MAP2: variants seen among roughly 807,000 people sequenced by gnomAD.
MAP2 encodes the protein microtubule-associated protein 2.
In MAP2, 14 loss-of-function variants were observed where a neutral mutation model predicts 137.6. The observed-to-expected ratio is 0.10, with a 90% confidence interval of 0.07 to 0.16. The LOEUF (loss-of-function observed/expected upper bound fraction) is 0.16, where lower values mean the gene tolerates loss of function less well. MAP2 is among the 10% of genes least tolerant of loss of function. The pLI is 1.00. For synonymous variants in MAP2, 786 were observed against 782.3 expected (o/e 1.00, Z -0.08); for missense variants, 2,088 against 2,191.5 (o/e 0.95, Z 0.94).
intron 1 of MAP2, among the ~76,000 whole-genome samples, chr2:209,433,568 A>G (rs7569410): frequency 0.032 from 4,837 of 152,134 alleles, 286 homozygotes; most frequent in African/African-American, 0.11. Context: ...TAAAAGCAGA[A>G]TTTTTTTAGA....
rs1282259605 is a variant in MAP2, at chr2:209,558,223, C to G, written c.-171-21813C>G. ...TTATTTTTTTGAGGTAGGTCTTGCT[C>G]TGTCACCCAGGCTGGAGTGCAGTGG... On this transcript the variant is annotated intron_variant, in intron 2 of 15. Coordinates refer to ENST00000682079, the MANE Select transcript of MAP2 (RefSeq NM_001375505.1). Among the ~76,000 whole-genome samples, 14 of 152,118 alleles carry G rather than the reference C, an allele frequency of 9.2e-5. 1 individual carries two copies. Among genetic ancestry groups the G allele is most frequent in the Admixed American group, 9.2e-4 (14 of 15,268 alleles).
At chr2:209,547,445 A>G (rs533411637) in intron 2 of MAP2, among the ~76,000 whole-genome samples, 2 of 152,332 alleles carry the variant, frequency 1.3e-5, no homozygotes, top group East Asian at 3.9e-4. Flanking sequence ...AGGGTAAATG[A>G]GTGCCAAATA....
At chr2:209,445,394 A>G (rs985766611) in intron 1 of MAP2, among the ~76,000 whole-genome samples, 10 of 151,748 alleles carry the variant, frequency 6.6e-5, no homozygotes, top group African/African-American at 2.2e-4. Flanking sequence ...ATTATGCAGA[A>G]TAGATTGACA....
chr2:209,510,030 C>CA (rs11297017), intron 2 of MAP2, among the ~76,000 whole-genome samples: 532 of 143,416 alleles, frequency 3.7e-3, no homozygotes, highest in South Asian at 0.011. Flanking sequence ...AAAGTTATTA[C>CA]AAAAAAAAAA....
At chr2:209,578,402 G>T (rs1350818533) in intron 2 of MAP2, among the ~76,000 whole-genome samples, 7 of 148,880 alleles carry the variant, frequency 4.7e-5, no homozygotes, top group Admixed American at 1.3e-4. Context: ...ACTGATGGAG[G>T]CGATTCTTTC....
chr2:209,446,015 G>C (rs535641622), intron 1 of MAP2, among the ~76,000 whole-genome samples: 1 of 151,464 alleles, frequency 6.6e-6, no homozygotes, highest in African/African-American at 2.4e-5. Flanking sequence ...CCAAACAATA[G>C]ATATTAAAAA....
At chr2:209,649,300 A>G (rs1050243134) in intron 4 of MAP2, among the ~76,000 whole-genome samples, 4 of 152,136 alleles carry the variant, frequency 2.6e-5, no homozygotes, top group African/African-American at 9.7e-5. Flanking sequence ...TACAGGCAAG[A>G]GCAACTATGC....
At chr2:209,607,235 T>C (rs909364893) in intron 3 of MAP2, among the ~76,000 whole-genome samples, 4 of 152,204 alleles carry the variant, frequency 2.6e-5, no homozygotes, top group Admixed American at 2.6e-4. Flanking sequence ...ATTTAAAGTT[T>C]CTTTATTTCA....
chr2:209,473,499 T>A (rs1351923852), intron 1 of MAP2, among the ~76,000 whole-genome samples: 1 of 152,118 alleles, frequency 6.6e-6, no homozygotes, highest in Non-Finnish European at 1.5e-5. Flanking sequence ...TTTAAAAGTT[T>A]GCTTTTGTCA....
chr2:209,599,292 G>A (rs1279143988), intron 3 of MAP2, among the ~76,000 whole-genome samples: 1 of 151,864 alleles, frequency 6.6e-6, no homozygotes, highest in South Asian at 2.1e-4. Flanking sequence ...TTTTGATGGG[G>A]TTGTTTGTTT....
intron 1 of MAP2, among the ~76,000 whole-genome samples, chr2:209,475,305 A>C (rs7594086): frequency 0.012 from 1,880 of 152,154 alleles, 43 homozygotes; most frequent in African/African-American, 0.043. Context: ...AAAATATATA[A>C]ACTGTGTATA....
intron 2 of MAP2, among the ~76,000 whole-genome samples, chr2:209,535,879 A>G (rs1018893969): frequency 2.0e-5 from 3 of 152,188 alleles, no homozygotes; most frequent in Non-Finnish European, 4.4e-5. Flanking sequence ...GACCTCTTAT[A>G]TAATATAGTA....
rs1051635848 is a variant in MAP2, at chr2:209,591,057, T to TTTTTG, written c.-107+10977_-107+10981dup. Among the ~76,000 whole-genome samples, 8 of 152,326 alleles carry TTTTTG rather than the reference T, an allele frequency of 5.3e-5. No homozygotes were observed. In the South Asian group the frequency reaches 8.3e-4, roughly 16 times the overall value. On this transcript the variant is annotated intron_variant, in intron 3 of 15. Coordinates refer to ENST00000682079, the MANE Select transcript of MAP2 (RefSeq NM_001375505.1). ...TTTGTTTTTTGTTTGTTTGTTTTTG[T>TTTTTG]TTTTGTTTTGTTTTGTTTTGTTTTT...
chr2:209,450,760 C>T (rs1159831198), intron 1 of MAP2, among the ~76,000 whole-genome samples: 2 of 152,068 alleles, frequency 1.3e-5, no homozygotes, highest in Admixed American at 6.5e-5. Context: ...TCTGACTTCT[C>T]TATGACTTTT....
intron 7 of MAP2, 114 bp from the exon 8 acceptor site, chr2:209,692,511 C>T: frequency 1.7e-6 from 2 of 1,163,938 alleles, no homozygotes; most frequent in Non-Finnish European, 2.4e-6. Context: ...TTGCATGTTC[C>T]ATAATTTTTG....
intron 3 of MAP2, among the ~76,000 whole-genome samples, chr2:209,611,778 C>G (rs1274364147): frequency 6.6e-6 from 1 of 152,070 alleles, no homozygotes; most frequent in Non-Finnish European, 1.5e-5. Context: ...TCTCACCAAG[C>G]ACAACTGTCT....
chr2:209,593,635 ATATAT>A lies in MAP2; in HGVS notation c.-107+13536_-107+13540del, dbSNP rs1471868435. On this transcript the variant is annotated intron_variant, in intron 3 of 15. Coordinates refer to ENST00000682079, the MANE Select transcript of MAP2 (RefSeq NM_001375505.1). ...CTGTCTCTACAAAAAAAAAAAAAAA[ATATAT>A]ATATATATATATATATATATATATA... Among the ~76,000 whole-genome samples, 209 of 24,038 alleles carry A rather than the reference ATATAT, an allele frequency of 8.7e-3. 12 individuals carry two copies. Among genetic ancestry groups the A allele is most frequent in the African/African-American group, 0.019 (96 of 5,088 alleles). 15.8% of individuals were successfully genotyped at this position (24,038 alleles called of 152,430 possible). A position where few individuals can be genotyped will look rare whatever the true frequency, so the allele number is the denominator to read the frequency against.
intron 5 of MAP2, among the ~76,000 whole-genome samples, chr2:209,666,355 G>A (rs1286435188): frequency 1.3e-5 from 2 of 152,096 alleles, no homozygotes. Flanking sequence ...TGAGTTTGAT[G>A]CAAATATAGT....
At position 209,692,864 on chromosome 2, in the gene MAP2, G is replaced by C. The variant is rs775421645; in HGVS notation, c.694G>C (p.Ala232Pro). The change falls in exon 8 of 16, where the codon GCC (alanine) becomes CCC (proline). Residue 232 changes from alanine (A) to proline (P), a missense_variant. Physicochemically the swap from Ala to Pro is conservative, Grantham distance 27. This residue lies in a region of MAP2 where 859 missense variants were observed against 794.5 expected (regional missense o/e 1.08). Coordinates refer to ENST00000682079, the MANE Select transcript of MAP2 (RefSeq NM_001375505.1). ...PLALFGHTLV[A>P]SLEDMKQKTE... ...AGCTTTGTTTGGGCACACTCTTGTT[G>C]CCAGCCTGGAAGACATGAAACAGAA... The C allele has an allele frequency of 6.2e-7, 1 of 1,613,842 alleles. No individual in the cohort carries two copies. The highest frequency in any genetic ancestry group is 8.5e-7 in the Non-Finnish European group (1 of 1,179,920).
Sources: allele counts gnomAD v4.1 joint callset (sites outside exome capture counted in the v4.1 genomes callset), GRCh38; gene constraint gnomAD v4.1.1; regional missense constraint gnomAD v4.1.1; transcripts MANE v1.5; gene names NCBI Gene and HGNC (gene_info 2026-07-23, HGNC 2026-07-21).